TAF1B: variants seen among roughly 807,000 people sequenced by gnomAD.
The protein encoded by TAF1B is TATA-box binding protein associated factor, RNA polymerase I subunit B, also known as TATA box-binding protein-associated factor RNA polymerase I subunit B.
Under a neutral mutation model 83.9 loss-of-function variants are expected in TAF1B, and 61 were observed. The observed-to-expected ratio is 0.73, with a 90% CI of 0.59 to 0.90. The LOEUF (loss-of-function observed/expected upper bound fraction) is 0.90, where lower values mean the gene tolerates loss of function less well. TAF1B is among the 40% of genes least tolerant of loss of function. TAF1B has a pLI of 0.00. For missense variants in TAF1B, 625 were observed against 677.0 expected (o/e 0.92, Z 0.85); for synonymous variants, 221 against 224.6 (o/e 0.98, Z 0.14).
intron 8 of TAF1B, among the ~76,000 whole-genome samples, chr2:9,897,221 T>C (rs942961801): frequency 6.6e-6 from 1 of 152,352 alleles, no homozygotes. Context: ...TGGGTCTAGA[T>C]ATACTTGTCT....
At chr2:9,928,730 A>G (rs893026975) in intron 14 of TAF1B, among the ~76,000 whole-genome samples, 9 of 152,212 alleles carry the variant, frequency 5.9e-5, no homozygotes, top group South Asian at 2.1e-4. Context: ...ACTTTGCTGA[A>G]GTTGCTTATC....
At chr2:9,856,393 G>T (rs1287692393) in intron 5 of TAF1B, among the ~76,000 whole-genome samples, 2 of 151,592 alleles carry the variant, frequency 1.3e-5, no homozygotes, top group African/African-American at 4.8e-5. Context: ...AAACTCAAGA[G>T]AAATAACTTG....
At chr2:9,922,529 A>G (rs1665907054) in intron 14 of TAF1B, among the ~76,000 whole-genome samples, 1 of 152,070 alleles carries the variant, frequency 6.6e-6, no homozygotes, top group African/African-American at 2.4e-5. Flanking sequence ...TTTCTCAGCC[A>G]TCCTGCCTAA....
At chr2:9,884,212 G>C (rs946430564) in intron 8 of TAF1B, among the ~76,000 whole-genome samples, 1 of 152,204 alleles carries the variant, frequency 6.6e-6, no homozygotes, top group African/African-American at 2.4e-5. Flanking sequence ...GCTGGCATTG[G>C]GGAACACGGT....
chr2:9,849,033 A>G (rs1198405990), intron 2 of TAF1B, among the ~76,000 whole-genome samples: 1 of 152,256 alleles, frequency 6.6e-6, no homozygotes, highest in Non-Finnish European at 1.5e-5. Flanking sequence ...TTTTCATACC[A>G]AAGTGTATTT....
At chr2:9,893,173 G>A (rs905382996) in intron 8 of TAF1B, among the ~76,000 whole-genome samples, 8 of 152,170 alleles carry the variant, frequency 5.3e-5, no homozygotes, top group Non-Finnish European at 1.0e-4. Flanking sequence ...CATATATCCT[G>A]TATCCAGAGT....
intron 8 of TAF1B, among the ~76,000 whole-genome samples, chr2:9,896,862 G>A (rs2125164684): frequency 6.6e-6 from 1 of 152,270 alleles, no homozygotes; most frequent in East Asian, 1.9e-4. Context: ...TGACTTAAGA[G>A]CAGAGCAGAG....
chr2:9,892,746 CA>C, intron 8 of TAF1B, among the ~76,000 whole-genome samples: 2 of 143,630 alleles, frequency 1.4e-5, no homozygotes, highest in South Asian at 4.5e-4. Context: ...ACCCCATCAA[CA>C]TATTGATTTT....
At chr2:9,906,095 G>A (rs1444342014) in intron 9 of TAF1B, among the ~76,000 whole-genome samples, 2 of 151,834 alleles carry the variant, frequency 1.3e-5, no homozygotes, top group Non-Finnish European at 2.9e-5. Context: ...GAAAGTTCCT[G>A]TATGCTGTCT....
At chr2:9,913,880 G>T in intron 12 of TAF1B, among the ~76,000 whole-genome samples, 1 of 152,160 alleles carries the variant, frequency 6.6e-6, no homozygotes. Flanking sequence ...TTAACCTTTT[G>T]CTGAGTCTGA....
At chr2:9,899,442 A>G (rs1430380106) in intron 8 of TAF1B, among the ~76,000 whole-genome samples, 3 of 152,140 alleles carry the variant, frequency 2.0e-5, no homozygotes, top group African/African-American at 7.2e-5. Context: ...GTCTTATATA[A>G]AATATATATA....
In TAF1B at chr2:9,908,028, C is replaced by CTTTTTTT. The variant is rs57261740; in HGVS notation, c.956-2679_956-2673dup. On this transcript the variant is annotated intron_variant, in intron 9 of 14. Transcript: ENST00000263663. ...AGCGGAGCAGTTCAAGATCTTAATTCTTTTTTTTTTTTTTTTTTTTTTTTT... is the reference window on the plus strand; with the variant it reads ...AGCGGAGCAGTTCAAGATCTTAATTCTTTTTTTTTTTTTTTTTTTTTTTTTTTTTTTT... 1.1e-3 allele frequency among the ~76,000 whole-genome samples: 79 copies of CTTTTTTT among 71,750 alleles called. 12 individuals carry two copies. The highest frequency in any genetic ancestry group is 3.6e-3 in the African/African-American group (46 of 12,698). 47.1% of individuals were successfully genotyped at this position (71,750 alleles called of 152,430 possible). A position where few individuals can be genotyped will look rare whatever the true frequency, so the allele number is the denominator to read the frequency against.
intron 12 of TAF1B, among the ~76,000 whole-genome samples, chr2:9,918,837 G>A (rs1017137954): frequency 2.0e-5 from 3 of 152,198 alleles, no homozygotes; most frequent in African/African-American, 7.2e-5. Context: ...CTTTTGAGAG[G>A]AGCACACCAT....
At chr2:9,908,060 T>TTTTG (rs1353193871) in intron 9 of TAF1B, among the ~76,000 whole-genome samples, 3 of 70,278 alleles carry the variant, frequency 4.3e-5, no homozygotes, top group Admixed American at 1.8e-4. Context: ...TTTTTTTTTT[T>TTTTG]TTTGAGACAA....
chr2:9,933,326 T>C (rs1450088493), intron 14 of TAF1B, among the ~76,000 whole-genome samples: 1 of 152,262 alleles, frequency 6.6e-6, no homozygotes, highest in South Asian at 2.1e-4. Context: ...GGAAATTGCT[T>C]GGTAAACTCT....
chr2:9,894,110 A>G (rs899057328), intron 8 of TAF1B, among the ~76,000 whole-genome samples: 2 of 152,198 alleles, frequency 1.3e-5, no homozygotes, highest in Non-Finnish European at 2.9e-5. Flanking sequence ...TAAAGACCGT[A>G]TTTAATGCTT....
At chr2:9,892,103 G>A (rs1664888913) in intron 8 of TAF1B, among the ~76,000 whole-genome samples, 1 of 152,136 alleles carries the variant, frequency 6.6e-6, no homozygotes, top group African/African-American at 2.4e-5. Flanking sequence ...GCCCTATAGA[G>A]GTGTACAGTT....
At chr2:9,888,660 C>A (rs1664751490) in intron 8 of TAF1B, among the ~76,000 whole-genome samples, 1 of 151,666 alleles carries the variant, frequency 6.6e-6, no homozygotes, top group Non-Finnish European at 1.5e-5. Flanking sequence ...TAATTCTTAT[C>A]TTTACTGTTC....
chr2:9,888,439 A>C (rs1664745063), intron 8 of TAF1B, among the ~76,000 whole-genome samples: 1 of 152,186 alleles, frequency 6.6e-6, no homozygotes, highest in Non-Finnish European at 1.5e-5. Context: ...TCTGTCTAAA[A>C]AACGTCCTTT....
Sources: allele counts gnomAD v4.1 joint callset (sites outside exome capture counted in the v4.1 genomes callset), GRCh38; gene constraint gnomAD v4.1.1; transcripts MANE v1.5; gene names NCBI Gene and HGNC (gene_info 2026-07-23, HGNC 2026-07-21).